Variants in DCBLD1 observed in about 807,000 individuals in gnomAD.
DCBLD1 encodes the protein discoidin, CUB and LCCL domain containing 1.
DCBLD1 carries 57 observed loss-of-function variants against 71.5 expected under a neutral mutation model. The ratio of observed to expected loss-of-function variants is 0.80; its 90% CI spans 0.64 to 0.99. The LOEUF (loss-of-function observed/expected upper bound fraction) is 0.99, where lower values mean the gene tolerates loss of function less well. DCBLD1 is among the 50% of genes least tolerant of loss of function. The pLI is 0.00. For missense variants in DCBLD1, 891 were observed against 923.5 expected (o/e 0.96, Z 0.46); for synonymous variants, 380 against 363.8 (o/e 1.04, Z -0.51).
chr6:117,519,742 A>G, intron 2 of DCBLD1, 74 bp from the exon 3 acceptor site: 2 of 1,551,204 alleles, frequency 1.3e-6, no homozygotes, highest in Non-Finnish European at 1.8e-6. Flanking sequence ...CCTTTCAAGG[A>G]AAAAAATGCC....
intron 9 of DCBLD1, chr6:117,539,731 G>T (rs1407890038): frequency 1.2e-5 from 2 of 161,150 alleles, no homozygotes; most frequent in African/African-American, 4.8e-5. Flanking sequence ...TACAGCCTGG[G>T]CAACAGAGTA....
At chr6:117,545,352 G>A (rs1779231812) in intron 13 of DCBLD1, 126 bp from the exon 14 acceptor site, 4 of 1,276,898 alleles carry the variant, frequency 3.1e-6, no homozygotes, top group Non-Finnish European at 4.4e-6. Context: ...ACACACCTGA[G>A]GAGGACATTG....
chr6:117,548,487 C>A lies in DCBLD1; in HGVS notation c.*48C>A. 11 of 1,546,358 alleles carry A rather than the reference C, an allele frequency of 7.1e-6. No individual in the cohort carries two copies. Among genetic ancestry groups the A allele is most frequent in the South Asian group, 1.2e-5 (1 of 83,894 alleles). On this transcript the variant is annotated 3_prime_UTR_variant, in exon 15 of 15. Coordinates refer to ENST00000338728, the MANE Select transcript of DCBLD1 (RefSeq NM_001366458.2). ...TGTGGTACTGAGCGTCGGGCTGTCA[C>A]AAGGCACTGGAAGAAGGGAGCCTGC... is the stretch of plus-strand genomic sequence containing the variant.
intron 1 of DCBLD1, among the ~76,000 whole-genome samples, chr6:117,503,235 T>C (rs2114423937): frequency 6.6e-6 from 1 of 152,324 alleles, no homozygotes; most frequent in African/African-American, 2.4e-5. Flanking sequence ...TGTCATTAAC[T>C]AAGACATACA....
At chr6:117,498,213 G>T (rs1295166628) in intron 1 of DCBLD1, among the ~76,000 whole-genome samples, 1 of 152,144 alleles carries the variant, frequency 6.6e-6, no homozygotes, top group African/African-American at 2.4e-5. Flanking sequence ...ATCTAGTTTT[G>T]TTCTTGTAAA....
At chr6:117,517,481 C>T (rs1778241672) in intron 2 of DCBLD1, among the ~76,000 whole-genome samples, 1 of 152,206 alleles carries the variant, frequency 6.6e-6, no homozygotes, top group Non-Finnish European at 1.5e-5. Flanking sequence ...TGGTGGCCCC[C>T]TTCTCACAGC....
chr6:117,515,195 G>A (rs1778153912), intron 2 of DCBLD1, among the ~76,000 whole-genome samples: 1 of 151,578 alleles, frequency 6.6e-6, no homozygotes, highest in Non-Finnish European at 1.5e-5. Flanking sequence ...AATTTTTTTT[G>A]TATTTTTAGT....
intron 5 of DCBLD1, among the ~76,000 whole-genome samples, chr6:117,526,225 T>C (rs1287998512): frequency 6.6e-6 from 1 of 152,238 alleles, no homozygotes; most frequent in Non-Finnish European, 1.5e-5. Flanking sequence ...TAGCACATTC[T>C]GATTCTGGGA....
intron 14 of DCBLD1, among the ~76,000 whole-genome samples, chr6:117,568,023 C>T (rs189609458): frequency 9.2e-6 from 1 of 108,294 alleles, no homozygotes. Context: ...AAACCCATCT[C>T]TACAAAAAAA....
chr6:117,562,035 T>TTAAAAC, intron 14 of DCBLD1: 1 of 205,938 alleles, frequency 4.9e-6, no homozygotes, highest in East Asian at 7.4e-5. Context: ...ACAGTGATAT[T>TTAAAAC]AGCAAAGCTA....
downstream of DCBLD1, among the ~76,000 whole-genome samples, chr6:117,552,333 C>T (rs115604791): frequency 4.6e-3 from 695 of 152,182 alleles, 5 homozygotes; most frequent in African/African-American, 0.012. Context: ...ATTAGATGAT[C>T]GATCAATATT....
rs1183620370 is a variant in DCBLD1, at chr6:117,548,220, G to C, written c.1929G>C (p.Ala643=). The C allele has an allele frequency of 6.4e-7, 1 of 1,550,574 alleles. No homozygotes were observed. Among genetic ancestry groups the C allele is most frequent in the Admixed American group, 2.0e-5 (1 of 51,012 alleles). Residue 643 remains alanine (A), a synonymous_variant, in exon 15 of 15, where the codon GCG becomes GCC. Transcript: ENST00000338728. ...CCTCGGGCGGCTTCTCCCCCGTAGC[G>C]GGTGTGGGCGCCCAGGACGGAGACT... ...SLSSGGFSPV[A]GVGAQDGDYQ... is the part of the protein sequence containing the mutation.
At chr6:117,566,891 A>G (rs758508033) in intron 14 of DCBLD1, 9 of 1,597,792 alleles carry the variant, frequency 5.6e-6, no homozygotes, top group Admixed American at 1.8e-5. Context: ...TGTCTTTGCA[A>G]CTAGCACCAG....
At chr6:117,531,192 G>A (rs982117025) in intron 5 of DCBLD1, among the ~76,000 whole-genome samples, 1 of 152,192 alleles carries the variant, frequency 6.6e-6, no homozygotes, top group African/African-American at 2.4e-5. Context: ...AATAAGGTAA[G>A]CAGCATTGTC....
At chr6:117,566,825 TTAA>T (rs910474521) in intron 14 of DCBLD1, 2 of 1,397,368 alleles carry the variant, frequency 1.4e-6, no homozygotes, top group South Asian at 1.5e-5. Flanking sequence ...AATGAATATG[TTAA>T]TAATAATTTT....
intron 1 of DCBLD1, among the ~76,000 whole-genome samples, chr6:117,500,347 G>A (rs1054101743): frequency 1.3e-5 from 2 of 152,150 alleles, no homozygotes; most frequent in South Asian, 2.1e-4. Context: ...CTTCCTTTGC[G>A]ATTCAGGTTC....
Position 117,482,714 on chromosome 6 carries a change from C to G in DCBLD1, c.-68C>G. On this transcript the variant is annotated 5_prime_UTR_variant, in exon 1 of 15. Coordinates refer to ENST00000338728, the MANE Select transcript of DCBLD1 (RefSeq NM_001366458.2). ...TCGTCCGCAGAGGAGGCGGCCCGGC[C>G]CGGGCAGCTGCGGCTCGGGATCCGT... 1 of 1,104,238 alleles carries G rather than the reference C, an allele frequency of 9.1e-7. No homozygotes were observed. The highest frequency in any genetic ancestry group is 1.1e-6 in the Non-Finnish European group (1 of 907,068). 68.4% of individuals were successfully genotyped at this position (1,104,238 alleles called of 1,614,324 possible).
intron 1 of DCBLD1, among the ~76,000 whole-genome samples, chr6:117,500,872 A>G (rs979814482): frequency 1.3e-5 from 2 of 151,306 alleles, no homozygotes; most frequent in African/African-American, 4.9e-5. Flanking sequence ...CAAAAAAAAC[A>G]GTGACACCCT....
rs544664397 is a variant in DCBLD1, at chr6:117,509,978, C to A, written c.325+5999C>A. ...CCAGTCTACGTCTTTGCATCTTTTT[C>A]TCCTTGAAGAACCTCTTGATTTTTC... On this transcript the variant is annotated intron_variant, in intron 2 of 14. Coordinates refer to ENST00000338728, the MANE Select transcript of DCBLD1 (RefSeq NM_001366458.2). 2.0e-5 allele frequency among the ~76,000 whole-genome samples: 3 copies of A among 152,300 alleles called. No individual in the cohort carries two copies. The South Asian group carries it at 6.2e-4, about 32-fold the overall frequency.
Sources: allele counts gnomAD v4.1 joint callset (sites outside exome capture counted in the v4.1 genomes callset), GRCh38; gene constraint gnomAD v4.1.1; transcripts MANE v1.5; gene names NCBI Gene and HGNC (gene_info 2026-07-23, HGNC 2026-07-21).